Variants in ESRRG observed in about 807,000 individuals in gnomAD.
ESRRG encodes estrogen related receptor gamma.
In ESRRG, 13 loss-of-function variants were observed where a neutral mutation model predicts 44.0. The ratio of observed to expected loss-of-function variants is 0.30; its 90% CI spans 0.19 to 0.47. ESRRG has a LOEUF of 0.47. Ranked by LOEUF, ESRRG falls within the 20% of genes least tolerant of loss-of-function variation. ESRRG has a pLI of 1.00. For synonymous variants in ESRRG, 215 were observed against 214.6 expected (o/e 1.00, Z -0.02); for missense variants, 395 against 580.6 (o/e 0.68, Z 3.29).
chr1:216,519,374 C>A lies in ESRRG; in HGVS notation c.910G>T (p.Ala304Ser). The A allele has an allele frequency of 1.9e-6, 3 of 1,613,572 alleles. No individual in the cohort carries two copies. The highest frequency in any genetic ancestry group is 2.2e-5 in the East Asian group (1 of 44,868). ...LADQMSLLQS[A>S]WMEILILGVV... ...CCAAGGATCAAAATTTCCATCCAAGCACTCTGCAGAAGGCTCATCTGGTCC... is the reference window on the plus strand; with the variant it reads ...CCAAGGATCAAAATTTCCATCCAAGAACTCTGCAGAAGGCTCATCTGGTCC... Residue 304 changes from alanine to serine, a missense_variant, in exon 6 of 7, where the codon GCT becomes TCT. Transcript: ENST00000408911.
chr1:216,663,480 A>C (rs2073077429), intron 2 of ESRRG, among the ~76,000 whole-genome samples: 2 of 152,188 alleles, frequency 1.3e-5, no homozygotes, highest in African/African-American at 4.8e-5. Context: ...TCCTTGAACT[A>C]AATAATCTCT....
intron 2 of ESRRG, among the ~76,000 whole-genome samples, chr1:216,887,543 G>T (rs1412070542): frequency 6.6e-6 from 1 of 152,042 alleles, no homozygotes; most frequent in Non-Finnish European, 1.5e-5. Context: ...ACTTGGAATT[G>T]TTCCTTAAAG....
intron 1 of ESRRG, among the ~76,000 whole-genome samples, chr1:216,685,509 A>T (rs1312124546): frequency 6.6e-6 from 1 of 152,192 alleles, no homozygotes; most frequent in African/African-American, 2.4e-5. Context: ...CTCGACACAG[A>T]AGGGGACTGA....
intron 1 of ESRRG, among the ~76,000 whole-genome samples, chr1:217,135,727 A>G (rs1318585669): frequency 1.3e-5 from 2 of 152,216 alleles, no homozygotes; most frequent in African/African-American, 4.8e-5. Flanking sequence ...GCGTGAGAGC[A>G]GAAATAAAAC....
intron 5 of ESRRG, among the ~76,000 whole-genome samples, chr1:216,563,851 A>G (rs1339012837): frequency 6.6e-6 from 1 of 152,228 alleles, no homozygotes; most frequent in East Asian, 1.9e-4. Context: ...AAAATAGTAC[A>G]TTAGGCTACC....
intron 2 of ESRRG, among the ~76,000 whole-genome samples, chr1:216,750,774 A>G (rs2091933398): frequency 6.6e-6 from 1 of 152,066 alleles, no homozygotes. Flanking sequence ...TTTTAAAAAA[A>G]AACTCAAAGC....
Position 216,632,463 on chromosome 1 carries a change from A to T in ESRRG, c.589+18510T>A, listed in dbSNP as rs117664499. On this transcript the variant is annotated intron_variant, in intron 3 of 6. Transcript: ENST00000408911. The stretch of plus-strand genomic sequence containing the variant: ...ACTAAGCCAAAAGGACTTATTAATT[A>T]AAGAAAATGATAATTTCATGTTTTT... 3.9e-4 allele frequency among the ~76,000 whole-genome samples: 59 copies of T among 152,338 alleles called. 1 individual carries two copies. The East Asian group carries it at 9.4e-3, about 24-fold the overall frequency.
chr1:216,910,047 C>A (rs1048001189), intron 2 of ESRRG, among the ~76,000 whole-genome samples: 8 of 152,050 alleles, frequency 5.3e-5, no homozygotes, highest in Non-Finnish European at 8.8e-5. Flanking sequence ...TCAGATACAT[C>A]CTATTTCCTC....
At chr1:216,594,212 T>C (rs1002368905) in intron 3 of ESRRG, among the ~76,000 whole-genome samples, 2 of 152,126 alleles carry the variant, frequency 1.3e-5, no homozygotes, top group Non-Finnish European at 2.9e-5. Flanking sequence ...AAAAATACTA[T>C]GTATCTCTCA....
chr1:216,873,209 G>GTT (rs754735743), intron 2 of ESRRG, among the ~76,000 whole-genome samples: 14,702 of 105,494 alleles, frequency 0.14, 1,737 homozygotes, highest in African/African-American at 0.22. Flanking sequence ...CATCTTTTCA[G>GTT]TTTTTTTTTT....
At chr1:216,965,678 G>A (rs541003413) in intron 1 of ESRRG, among the ~76,000 whole-genome samples, 1 of 152,128 alleles carries the variant, frequency 6.6e-6, no homozygotes, top group Non-Finnish European at 1.5e-5. Context: ...GAGGCCAAAG[G>A]GCAGCTATAT....
At chr1:216,820,120 A>C (rs1305765830) in intron 2 of ESRRG, among the ~76,000 whole-genome samples, 1 of 152,204 alleles carries the variant, frequency 6.6e-6, no homozygotes, top group Non-Finnish European at 1.5e-5. Flanking sequence ...GATTTTAAAT[A>C]AAAAGAAAAA....
At chr1:216,529,836 G>C (rs1275734969) in intron 5 of ESRRG, among the ~76,000 whole-genome samples, 2 of 152,034 alleles carry the variant, frequency 1.3e-5, no homozygotes, top group South Asian at 4.1e-4. Context: ...AGCTTGCCAG[G>C]TGCGGTGGCT....
intron 2 of ESRRG, among the ~76,000 whole-genome samples, chr1:216,797,917 T>C (rs1415017557): frequency 1.3e-5 from 2 of 152,068 alleles, no homozygotes; most frequent in African/African-American, 2.4e-5. Flanking sequence ...CCACCTCCTA[T>C]AGGGCAGAGT....
chr1:217,069,644 A>G (rs974286655), intron 1 of ESRRG, among the ~76,000 whole-genome samples: 3 of 152,042 alleles, frequency 2.0e-5, no homozygotes, highest in African/African-American at 4.8e-5. Context: ...CTGGTCCCCT[A>G]TGCTTACCAA....
chr1:217,044,488 G>C (rs967505449), intron 1 of ESRRG, among the ~76,000 whole-genome samples: 10 of 152,156 alleles, frequency 6.6e-5, no homozygotes, highest in Admixed American at 6.6e-4. Flanking sequence ...TTCATCTCTT[G>C]TTGGTTCCTA....
chr1:217,021,320 A>G (rs943699176), intron 1 of ESRRG, among the ~76,000 whole-genome samples: 3 of 152,142 alleles, frequency 2.0e-5, no homozygotes, highest in African/African-American at 7.2e-5. Flanking sequence ...GGTTAATGGG[A>G]CAGAATGGAG....
intron 2 of ESRRG, among the ~76,000 whole-genome samples, chr1:216,935,904 C>G (rs1304585677): frequency 6.6e-6 from 1 of 152,104 alleles, no homozygotes; most frequent in Non-Finnish European, 1.5e-5. Context: ...TGTGAGCCAT[C>G]GTGTCTGGCC....
chr1:216,639,875 A>G (rs1027697100), intron 3 of ESRRG, among the ~76,000 whole-genome samples: 7 of 152,200 alleles, frequency 4.6e-5, no homozygotes, highest in Non-Finnish European at 1.0e-4. Context: ...AAAGAAGAGT[A>G]TCTTACAGTT....
Sources: allele counts gnomAD v4.1 joint callset (sites outside exome capture counted in the v4.1 genomes callset), GRCh38; gene constraint gnomAD v4.1.1; transcripts MANE v1.5; gene names NCBI Gene and HGNC (gene_info 2026-07-23, HGNC 2026-07-21).